Variants in CTXND2 observed in about 807,000 individuals in gnomAD.
The protein encoded by CTXND2 is cortexin domain containing 2.
chr1:150,895,265 G>GT (rs1302947905), intron 1 of CTXND2, among the ~76,000 whole-genome samples: 2 of 151,906 alleles, frequency 1.3e-5, no homozygotes, highest in Non-Finnish European at 2.9e-5. Context: ...CAAGACCAAA[G>GT]AATGGATGTT....
chr1:150,899,611 T>G (rs1668965540), intron 1 of CTXND2, among the ~76,000 whole-genome samples: 1 of 151,990 alleles, frequency 6.6e-6, no homozygotes, highest in African/African-American at 2.4e-5. Flanking sequence ...AAAAATAAAT[T>G]TCATTATGTT....
intron 1 of CTXND2, among the ~76,000 whole-genome samples, chr1:150,900,102 C>T (rs966534893): frequency 1.3e-5 from 2 of 152,076 alleles, no homozygotes; most frequent in South Asian, 2.1e-4. Context: ...CGTTCGGGTC[C>T]CTTTCCACCG....
chr1:150,908,232 G>A (rs973388415), intron 1 of CTXND2, among the ~76,000 whole-genome samples: 9 of 146,528 alleles, frequency 6.1e-5, no homozygotes. Context: ...TGAACTCCTG[G>A]ACTAAAGTGA....
intron 1 of CTXND2, among the ~76,000 whole-genome samples, chr1:150,910,376 CT>C (rs2102605174): frequency 6.6e-6 from 1 of 152,048 alleles, no homozygotes; most frequent in South Asian, 2.1e-4. Flanking sequence ...GTGATCCGCC[CT>C]CCTCGGCCTC....
At chr1:150,910,492 A>C (rs1669235437) in intron 1 of CTXND2, among the ~76,000 whole-genome samples, 1 of 152,120 alleles carries the variant, frequency 6.6e-6, no homozygotes, top group Non-Finnish European at 1.5e-5. Context: ...TTTCAAAATA[A>C]GGGTCTAACT....
chr1:150,907,376 T>C (rs1669167726), intron 1 of CTXND2, among the ~76,000 whole-genome samples: 2 of 152,226 alleles, frequency 1.3e-5, no homozygotes, highest in South Asian at 2.1e-4. Context: ...TCTGTCTCTA[T>C]AGATTTCTCT....
chr1:150,906,173 C>G (rs115298177), intron 1 of CTXND2, among the ~76,000 whole-genome samples: 1 of 151,260 alleles, frequency 6.6e-6, no homozygotes, highest in Non-Finnish European at 1.5e-5. Flanking sequence ...GTGGTGGGCA[C>G]CTGTAGTCAC....
intron 1 of CTXND2, among the ~76,000 whole-genome samples, chr1:150,892,522 C>A (rs1465514452): frequency 1.7e-5 from 2 of 118,158 alleles, no homozygotes; most frequent in African/African-American, 3.0e-5. Context: ...TCTTATTCTT[C>A]TTCTTCTTTT....
exon 2 of CTXND2, chr1:150,912,260 G>C: frequency 2.5e-6 from 1 of 398,380 alleles, no homozygotes; most frequent in Non-Finnish European, 4.4e-6. Context: ...CAAATCTGAA[G>C]CTATACCTGA....
intron 1 of CTXND2, among the ~76,000 whole-genome samples, chr1:150,893,162 G>C (rs1668874061): frequency 6.6e-6 from 1 of 151,720 alleles, no homozygotes; most frequent in African/African-American, 2.4e-5. Context: ...ACATTTTCTT[G>C]TGTGTTGCTG....
chr1:150,902,330 C>T (rs1008712692), intron 1 of CTXND2, among the ~76,000 whole-genome samples: 1 of 151,906 alleles, frequency 6.6e-6, no homozygotes, highest in Admixed American at 6.6e-5. Context: ...TGGCATGAAC[C>T]CGGGAGGCGG....
chr1:150,900,033 A>G (rs1006853914), intron 1 of CTXND2, among the ~76,000 whole-genome samples: 35 of 152,200 alleles, frequency 2.3e-4, no homozygotes, highest in African/African-American at 8.0e-4. Context: ...AATCAGCAGG[A>G]CACGGGCAGG....
intron 1 of CTXND2, among the ~76,000 whole-genome samples, chr1:150,898,794 G>A (rs1668948492): frequency 6.8e-6 from 1 of 147,920 alleles, no homozygotes; most frequent in Admixed American, 6.8e-5. Context: ...GCAGGGCGGG[G>A]GGCCCGGGCA....
chr1:150,898,805 C>T (rs1292342415), intron 1 of CTXND2, among the ~76,000 whole-genome samples: 6 of 143,990 alleles, frequency 4.2e-5, no homozygotes, highest in Non-Finnish European at 7.6e-5. Context: ...GGCCCGGGCA[C>T]GGTGGCTCAC....
intron 1 of CTXND2, among the ~76,000 whole-genome samples, chr1:150,910,712 A>G (rs1465264828): frequency 6.6e-6 from 1 of 151,120 alleles, no homozygotes; most frequent in Non-Finnish European, 1.5e-5. Context: ...GCTCACTGCA[A>G]CCTTTGCCTC....
chr1:150,908,827 C>T (rs1388352408), intron 1 of CTXND2, among the ~76,000 whole-genome samples: 4 of 151,634 alleles, frequency 2.6e-5, no homozygotes, highest in Admixed American at 2.0e-4. Context: ...TATCTCCTTA[C>T]TACCCAGGCT....
At chr1:150,901,841 C>A (rs898525621) in intron 1 of CTXND2, among the ~76,000 whole-genome samples, 10 of 151,542 alleles carry the variant, frequency 6.6e-5, no homozygotes, top group Non-Finnish European at 1.5e-4. Flanking sequence ...TGGCGTGAAC[C>A]TGGGAGGTGG....
chr1:150,888,448 G>A (rs1668804449), intron 1 of CTXND2, among the ~76,000 whole-genome samples: 3 of 151,568 alleles, frequency 2.0e-5, no homozygotes, highest in Admixed American at 6.6e-5. Context: ...ACTCCTGACC[G>A]AAGGTGATCC....
At chr1:150,890,179 T>A (rs1290521463) in intron 1 of CTXND2, among the ~76,000 whole-genome samples, 1 of 152,116 alleles carries the variant, frequency 6.6e-6, no homozygotes, top group African/African-American at 2.4e-5. Context: ...AGAAAAAGGG[T>A]AGAGTGGTAG....
Sources: gnomAD v4.1 joint callset for allele counts (sites outside exome capture counted in the v4.1 genomes callset) on GRCh38, gnomAD v4.1.1 for gene constraint, MANE v1.5 for transcripts, NCBI Gene and HGNC (gene_info 2026-07-23, HGNC 2026-07-21) for gene names.